The following NSD3 variants were observed in gnomAD, a reference collection of about 807,000 sequenced individuals.
NSD3 encodes nuclear receptor binding SET domain protein 3.
NSD3 carries 24 observed loss-of-function variants against 160.8 expected under a neutral mutation model. That is an observed-to-expected ratio of 0.15 (90% CI 0.11 to 0.21). The LOEUF (loss-of-function observed/expected upper bound fraction) is 0.21. Among genes scored for constraint, NSD3 ranks in the 10% least tolerant of loss-of-function variants. The pLI, the probability that NSD3 is intolerant of heterozygous loss-of-function variation, is 1.00. For synonymous variants in NSD3, 520 were observed against 600.0 expected (o/e 0.87, Z 1.95); for missense variants, 1,157 against 1,735.9 (o/e 0.67, Z 5.93).
rs747665869 is a variant in NSD3 at position 38,304,670 on chromosome 8, T to C, written c.2528A>G (p.Tyr843Cys). 2.3e-5 allele frequency: 37 copies of C among 1,614,074 alleles called. No homozygotes were observed. In the South Asian group the frequency reaches 3.0e-4, roughly 13 times the overall value. The change falls in exon 14 of 24, where the codon TAC (tyrosine) becomes TGC (cysteine). Residue 843 changes from tyrosine to cysteine, a missense_variant. Physicochemically the swap from Tyr to Cys is radical, Grantham distance 194. Transcript: ENST00000317025. ...IAAGSMLVSSYILICSNHSKR... is the reference protein window; with the variant it reads ...IAAGSMLVSSCILICSNHSKR... ...GGAATGATTACTACAGATGAGAATGTAGGAGGATACTAACATGCTTCCGGC... is the reference window on the plus strand; with the variant it reads ...GGAATGATTACTACAGATGAGAATGCAGGAGGATACTAACATGCTTCCGGC...
chr8:38,348,993 G>T (rs1419439892), intron 1 of NSD3, among the ~76,000 whole-genome samples: 1 of 152,064 alleles, frequency 6.6e-6, no homozygotes, highest in African/African-American at 2.4e-5. Flanking sequence ...GAAAAGGCCT[G>T]TTCCTGTCCC....
intron 1 of NSD3, among the ~76,000 whole-genome samples, chr8:38,364,586 A>C (rs1254380678): frequency 6.6e-6 from 1 of 152,182 alleles, no homozygotes; most frequent in Non-Finnish European, 1.5e-5. Flanking sequence ...AGCCACTACT[A>C]TGCATGACAT....
At chr8:38,327,788 CA>C (rs993746828) in intron 6 of NSD3, among the ~76,000 whole-genome samples, 4 of 152,042 alleles carry the variant, frequency 2.6e-5, no homozygotes, top group African/African-American at 9.7e-5. Context: ...TCATGGTGAC[CA>C]AAATGTGACC....
At chr8:38,325,615 T>A (rs923696801) in intron 7 of NSD3, among the ~76,000 whole-genome samples, 1 of 152,242 alleles carries the variant, frequency 6.6e-6, no homozygotes, top group Non-Finnish European at 1.5e-5. Context: ...CTCACGCCTA[T>A]AATCCCAGCA....
intron 10 of NSD3, among the ~76,000 whole-genome samples, 158 bp downstream of exon 10, chr8:38,315,754 T>C (rs1213426944): frequency 6.6e-6 from 1 of 152,232 alleles, no homozygotes; most frequent in Non-Finnish European, 1.5e-5. Flanking sequence ...TATAGTTTTG[T>C]TATATAACAT....
rs368325278 is a variant in NSD3 at position 38,347,602 on chromosome 8, A to T, written c.570T>A (p.His190Gln). 6.2e-7 allele frequency: 1 copy of T among 1,613,724 alleles called. No homozygotes were observed. Among genetic ancestry groups the T allele is most frequent in the Non-Finnish European group, 8.5e-7 (1 of 1,180,020 alleles). ...VQASEHTKSK[H>Q]ESRKEKRKKS... Reference sequence around the variant, plus strand: ...TTTTCCTCTTTTCTTTTCTGCTTTCATGCTTTGATTTCGTGTGCTCACTTG... The same window carrying T: ...TTTTCCTCTTTTCTTTTCTGCTTTCTTGCTTTGATTTCGTGTGCTCACTTG... The change falls in exon 2 of 24, where the codon CAT (histidine) becomes CAA (glutamine). Residue 190 changes from histidine (H) to glutamine (Q), a missense_variant. His to Gln is a conservative substitution (Grantham distance 24, BLOSUM62 0). Coordinates refer to ENST00000317025, the MANE Select transcript of NSD3 (RefSeq NM_023034.2).
intron 1 of NSD3, chr8:38,363,968 A>C (rs1010625583): frequency 1.3e-5 from 2 of 152,002 alleles, no homozygotes; most frequent in African/African-American, 4.8e-5. Flanking sequence ...AAATAGAAAT[A>C]TCACTTAAAA....
rs1808458560 is a variant in NSD3 at position 38,271,114 on chromosome 8, T to C, written c.*4527A>G. On this transcript the variant is annotated 3_prime_UTR_variant, in exon 24 of 24. Coordinates refer to ENST00000317025, the MANE Select transcript of NSD3 (RefSeq NM_023034.2). ...AAGTATTTGTAAAAATGCTGGTATCTCATGCAGGAGTCTCTTCCTCAAATG... is the reference window on the plus strand; with the variant it reads ...AAGTATTTGTAAAAATGCTGGTATCCCATGCAGGAGTCTCTTCCTCAAATG... 6.6e-6 allele frequency: 1 copy of C among 152,198 alleles called. No homozygotes were observed. The allele number at this position is 152,198 out of a possible 1,614,324, so 9.4% of individuals were successfully genotyped here. A position where few individuals can be genotyped will look rare whatever the true frequency, so the allele number is the denominator to read the frequency against.
intron 1 of NSD3, 70 bp downstream of exon 1, chr8:38,381,729 T>TACAC (rs1219673847): frequency 6.9e-6 from 1 of 144,570 alleles, no homozygotes; most frequent in African/African-American, 2.6e-5. Flanking sequence ...TTCCTAGCAC[T>TACAC]ACACACGCGC....
intron 12 of NSD3, among the ~76,000 whole-genome samples, chr8:38,309,270 C>T (rs1393842807): frequency 6.6e-6 from 1 of 152,134 alleles, no homozygotes; most frequent in Non-Finnish European, 1.5e-5. Flanking sequence ...GAGTTCGGGG[C>T]TAGCCTGGCC....
intron 19 of NSD3, among the ~76,000 whole-genome samples, chr8:38,286,853 C>T (rs1585855909): frequency 6.6e-6 from 1 of 152,386 alleles, no homozygotes; most frequent in Middle Eastern, 3.4e-3. Flanking sequence ...ACCTTCATGG[C>T]TTTCTACCAC....
At position 38,352,130 on chromosome 8, in the gene NSD3, T is replaced by A. The variant is rs1038462422; in HGVS notation, c.-44-3915A>T. On this transcript the variant is annotated intron_variant, in intron 1 of 23. Coordinates refer to ENST00000317025, the MANE Select transcript of NSD3 (RefSeq NM_023034.2). ...ATTAATAATAGACTGATTAACAGTG[T>A]CTACCATCTTGGTTCCAGTAGGATC... Among the ~76,000 whole-genome samples the A allele has an allele frequency of 9.9e-5, 15 of 152,228 alleles. 1 individual carries two copies. The East Asian group carries it at 2.9e-3, about 29-fold the overall frequency.
chr8:38,277,102 T>C (rs1349682152), intron 22 of NSD3, among the ~76,000 whole-genome samples: 1 of 151,778 alleles, frequency 6.6e-6, no homozygotes, highest in Admixed American at 6.6e-5. Flanking sequence ...CTGCCACACA[T>C]GGCTAATGTT....
rs542784148 is a variant in NSD3, at chr8:38,295,555, CACAA to C, written c.2915+237_2915+240del. On this transcript the variant is annotated intron_variant, in intron 16 of 23. Coordinates refer to ENST00000317025, the MANE Select transcript of NSD3 (RefSeq NM_023034.2). Reference sequence around the variant, plus strand: ...CCTTGGTGATAGAGCCAAACCGCCTCACAAACAATCAACCAACCAATCCCAAAGA... The same window carrying C: ...CCTTGGTGATAGAGCCAAACCGCCTCACAATCAACCAACCAATCCCAAAGA... Among the ~76,000 whole-genome samples the C allele has an allele frequency of 1.9e-4, 29 of 152,156 alleles. No homozygotes were observed. In the East Asian group the frequency reaches 4.2e-3, roughly 22 times the overall value.
chr8:38,373,618 A>T (rs1038596142), intron 1 of NSD3, among the ~76,000 whole-genome samples: 2 of 152,136 alleles, frequency 1.3e-5, no homozygotes, highest in Non-Finnish European at 2.9e-5. Context: ...TGCCACTAGG[A>T]GTATCTCCAT....
At chr8:38,377,027 G>A (rs763356308) in intron 1 of NSD3, among the ~76,000 whole-genome samples, 14 of 152,090 alleles carry the variant, frequency 9.2e-5, no homozygotes, top group Non-Finnish European at 1.8e-4. Context: ...GGATCCATAT[G>A]TACTAATTTT....
intron 12 of NSD3, among the ~76,000 whole-genome samples, chr8:38,310,755 G>A (rs948459714): frequency 6.0e-5 from 9 of 151,094 alleles, no homozygotes; most frequent in African/African-American, 9.7e-5. Context: ...CAAGCAATCC[G>A]CTCGTCTTGG....
chr8:38,270,809 T>C lies in NSD3; in HGVS notation c.*4832A>G, dbSNP rs1054600080. The C allele has an allele frequency of 6.6e-6, 1 of 152,256 alleles. No homozygotes were observed. Among genetic ancestry groups the C allele is most frequent in the African/African-American group, 2.4e-5 (1 of 41,462 alleles). 9.4% of individuals were successfully genotyped at this position (152,256 alleles called of 1,614,324 possible). A position where few individuals can be genotyped will look rare whatever the true frequency, so the allele number is the denominator to read the frequency against. ...TTTCCCTTTTTACTTACATGTAAAT[T>C]ACTTTTACAGCCTACTGAAGGACAG... On this transcript the variant is annotated 3_prime_UTR_variant, in exon 24 of 24. Coordinates refer to ENST00000317025, the MANE Select transcript of NSD3 (RefSeq NM_023034.2).
At chr8:38,356,988 A>G (rs6474268) in intron 1 of NSD3, among the ~76,000 whole-genome samples, 33,619 of 151,210 alleles carry the variant, frequency 0.22, 3,962 homozygotes, top group East Asian at 0.31. Flanking sequence ...GCATGGTGGT[A>G]CACGCCGGTA....
Sources: gnomAD v4.1 joint callset for allele counts (sites outside exome capture counted in the v4.1 genomes callset) on GRCh38, gnomAD v4.1.1 for gene constraint, MANE v1.5 for transcripts, NCBI Gene and HGNC (gene_info 2026-07-23, HGNC 2026-07-21) for gene names.